DCLK1: variants seen among roughly 807,000 people sequenced by gnomAD.
DCLK1 encodes the protein serine/threonine-protein kinase DCLK1.
In DCLK1, 16 loss-of-function variants were observed where a neutral mutation model predicts 86.2. The ratio of observed to expected loss-of-function variants is 0.19; its 90% CI spans 0.13 to 0.28. The LOEUF is 0.28. Among genes scored for constraint, DCLK1 ranks in the 10% least tolerant of loss-of-function variants. The pLI, the probability that DCLK1 is intolerant of heterozygous loss-of-function variation, is 1.00. For missense variants in DCLK1, 590 were observed against 940.2 expected (o/e 0.63, Z 4.87); for synonymous variants, 369 against 370.5 (o/e 1.00, Z 0.05).
chr13:35,980,351 A>G (rs1879574160), intron 3 of DCLK1, among the ~76,000 whole-genome samples: 1 of 152,066 alleles, frequency 6.6e-6, no homozygotes, highest in Non-Finnish European at 1.5e-5. Context: ...GCCACTCGGG[A>G]GGCTGAGGTG....
chr13:35,958,244 CACCACCACTACCACT>C (rs1878223307), intron 3 of DCLK1, among the ~76,000 whole-genome samples: 1 of 129,824 alleles, frequency 7.7e-6, no homozygotes, highest in Non-Finnish European at 1.6e-5. Flanking sequence ...CCATCATCAC[CACCACCACTACCACT>C]ACTATAACCA....
chr13:36,124,080 TG>T (rs1195683563), intron 2 of DCLK1, among the ~76,000 whole-genome samples: 3 of 152,212 alleles, frequency 2.0e-5, no homozygotes, highest in African/African-American at 4.8e-5. Context: ...TGTCAACCCA[TG>T]GCTGTCTTAG....
chr13:35,912,561 C>G (rs1371457477), intron 4 of DCLK1, among the ~76,000 whole-genome samples: 1 of 152,108 alleles, frequency 6.6e-6, no homozygotes, highest in Non-Finnish European at 1.5e-5. Context: ...CTAGTGACAA[C>G]CGGACTTCAG....
chr13:36,102,770 A>C (rs1885260800), intron 3 of DCLK1, among the ~76,000 whole-genome samples: 2 of 152,208 alleles, frequency 1.3e-5, no homozygotes, highest in African/African-American at 4.8e-5. Flanking sequence ...CCAATAACTG[A>C]TTACACTGAA....
At chr13:35,869,336 A>C (rs975238739) in intron 5 of DCLK1, among the ~76,000 whole-genome samples, 5 of 152,204 alleles carry the variant, frequency 3.3e-5, no homozygotes, top group African/African-American at 1.2e-4. Context: ...CTTCAGAAAG[A>C]AATTCTCTTT....
intron 3 of DCLK1, among the ~76,000 whole-genome samples, chr13:36,029,147 C>G (rs560509890): frequency 6.6e-6 from 1 of 152,180 alleles, no homozygotes; most frequent in African/African-American, 2.4e-5. Flanking sequence ...GATTCAAGAA[C>G]CCTCTCTTGA....
intron 3 of DCLK1, among the ~76,000 whole-genome samples, chr13:36,089,492 C>T (rs1026208321): frequency 1.3e-5 from 2 of 152,204 alleles, no homozygotes; most frequent in African/African-American, 4.8e-5. Context: ...TCTCTCATGA[C>T]ACTTCTCTGC....
At chr13:35,839,742 T>G (rs2153108029) in intron 6 of DCLK1, among the ~76,000 whole-genome samples, 1 of 152,266 alleles carries the variant, frequency 6.6e-6, no homozygotes, top group East Asian at 1.9e-4. Flanking sequence ...TGTTAAACGT[T>G]ACATAATAAG....
At chr13:36,022,625 G>A (rs1377114307) in intron 3 of DCLK1, among the ~76,000 whole-genome samples, 1 of 152,082 alleles carries the variant, frequency 6.6e-6, no homozygotes, top group South Asian at 2.1e-4. Flanking sequence ...GATTAAAAGG[G>A]AAAACTAACA....
intron 4 of DCLK1, among the ~76,000 whole-genome samples, chr13:35,908,082 T>C (rs1874786774): frequency 6.6e-6 from 1 of 152,170 alleles, no homozygotes; most frequent in African/African-American, 2.4e-5. Context: ...AGGACTGTGC[T>C]GACATAATAC....
At chr13:36,071,346 C>A (rs17199136) in intron 3 of DCLK1, among the ~76,000 whole-genome samples, 25,293 of 151,952 alleles carry the variant, frequency 0.17, 2,333 homozygotes, top group Non-Finnish European at 0.21. Flanking sequence ...TTGTGTGGCA[C>A]TTTCTATGTG....
intron 4 of DCLK1, among the ~76,000 whole-genome samples, chr13:35,887,948 G>A (rs1873393543): frequency 7.2e-6 from 1 of 138,162 alleles, no homozygotes; most frequent in Non-Finnish European, 1.5e-5. Flanking sequence ...ACATACATAT[G>A]CAATGAAAAT....
intron 3 of DCLK1, among the ~76,000 whole-genome samples, chr13:36,108,432 G>C (rs1228747498): frequency 2.6e-5 from 4 of 152,246 alleles, no homozygotes; most frequent in Non-Finnish European, 4.4e-5. Flanking sequence ...TGAACTCTTT[G>C]CTTAGGGCTA....
intron 3 of DCLK1, among the ~76,000 whole-genome samples, chr13:36,016,107 A>G (rs552492612): frequency 1.3e-5 from 2 of 152,202 alleles, no homozygotes; most frequent in Non-Finnish European, 2.9e-5. Context: ...CAACCAGATC[A>G]ATTATGCAGT....
chr13:36,116,505 G>A (rs999859557), intron 2 of DCLK1, among the ~76,000 whole-genome samples: 1 of 152,054 alleles, frequency 6.6e-6, no homozygotes, highest in Middle Eastern at 3.2e-3. Context: ...ACTCTATATT[G>A]GGGGATTCTA....
chr13:35,929,967 T>C (rs1488877659), intron 4 of DCLK1, among the ~76,000 whole-genome samples: 2 of 152,006 alleles, frequency 1.3e-5, no homozygotes, highest in East Asian at 3.9e-4. Context: ...AGTATCAGTA[T>C]CTTATTATAT....
chr13:36,042,847 T>C (rs1882742678), intron 3 of DCLK1, among the ~76,000 whole-genome samples: 4 of 152,232 alleles, frequency 2.6e-5, no homozygotes, highest in Admixed American at 2.0e-4. Context: ...TGTTCCATTT[T>C]AATAACTTTT....
chr13:35,950,109 T>C (rs1877585894), intron 3 of DCLK1, among the ~76,000 whole-genome samples: 1 of 152,208 alleles, frequency 6.6e-6, no homozygotes, highest in African/African-American at 2.4e-5. Context: ...ACTTTCCTGC[T>C]CACAACTTCC....
Position 35,772,747 on chromosome 13 carries a change from T to G in DCLK1, c.*1788A>C, listed in dbSNP as rs1472572186. On this transcript the variant is annotated 3_prime_UTR_variant, in exon 17 of 17. Transcript: ENST00000360631. ...CAGACCACAGAGATGAACCTAAATG[T>G]AAAAGAGCAAAAAATTTTGGTGATG... The G allele has an allele frequency of 1.3e-5, 2 of 151,878 alleles. No homozygotes were observed. Among genetic ancestry groups the G allele is most frequent in the Non-Finnish European group, 2.9e-5 (2 of 67,962 alleles). 9.4% of individuals were successfully genotyped at this position (151,878 alleles called of 1,614,324 possible). A position where few individuals can be genotyped will look rare whatever the true frequency, so the allele number is the denominator to read the frequency against.
Sources: gnomAD v4.1 joint callset for allele counts (sites outside exome capture counted in the v4.1 genomes callset) on GRCh38, gnomAD v4.1.1 for gene constraint, MANE v1.5 for transcripts, NCBI Gene and HGNC (gene_info 2026-07-23, HGNC 2026-07-21) for gene names.